The following ERC2 variants were observed in gnomAD, a reference collection of about 807,000 sequenced individuals.
The protein encoded by ERC2 is ELKS/RAB6-interacting/CAST family member 2.
In ERC2, 42 loss-of-function variants were observed where a neutral mutation model predicts 114.8. The ratio of observed to expected loss-of-function variants is 0.37; its 90% CI spans 0.29 to 0.47. ERC2 has a LOEUF of 0.47. Among genes scored for constraint, ERC2 ranks in the 20% least tolerant of loss-of-function variants. The probability of loss-of-function intolerance (pLI) is 0.99; values close to 1 mark genes in which losing one functional copy is unlikely to be tolerated. For missense variants in ERC2, 939 were observed against 1,150.7 expected (o/e 0.82, Z 2.66); for synonymous variants, 454 against 425.5 (o/e 1.07, Z -0.82).
chr3:55,876,258 T>C (rs530387922), intron 14 of ERC2, among the ~76,000 whole-genome samples: 1 of 152,198 alleles, frequency 6.6e-6, no homozygotes, highest in East Asian at 1.9e-4. Flanking sequence ...CACTTGATAA[T>C]ATTTGGACTG....
intron 3 of ERC2, among the ~76,000 whole-genome samples, chr3:56,221,243 G>A (rs2049886807): frequency 6.6e-6 from 1 of 151,838 alleles, no homozygotes. Flanking sequence ...GCTAACATTA[G>A]GTACTGACTA....
chr3:56,450,054 G>T (rs546538591), intron 1 of ERC2, among the ~76,000 whole-genome samples: 1 of 152,332 alleles, frequency 6.6e-6, no homozygotes, highest in Admixed American at 6.5e-5. Flanking sequence ...GTTATTCAAA[G>T]TCCCAGTAAT....
rs1237535645 is a variant in ERC2, at chr3:56,178,463, T to C, written c.1075-4943A>G. On this transcript the variant is annotated intron_variant, in intron 3 of 17. Coordinates refer to ENST00000288221, the MANE Select transcript of ERC2 (RefSeq NM_015576.3). ...GCCTTTTATTACCTAACCTTGAAAG[T>C]CCTATAGCACCACTTCTGTCATGCT... is the stretch of plus-strand genomic sequence containing the variant. Among the ~76,000 whole-genome samples, 4 of 152,082 alleles carry C rather than the reference T, an allele frequency of 2.6e-5. No homozygotes were observed. In the East Asian group the frequency reaches 7.7e-4, roughly 29 times the overall value.
intron 12 of ERC2, among the ~76,000 whole-genome samples, chr3:55,963,943 C>T (rs938646693): frequency 6.6e-6 from 1 of 152,110 alleles, no homozygotes; most frequent in Non-Finnish European, 1.5e-5. Context: ...TATTGCATCC[C>T]ATCTGAAATT....
intron 7 of ERC2, among the ~76,000 whole-genome samples, chr3:56,058,315 T>C (rs1319697201): frequency 6.6e-6 from 1 of 152,176 alleles, no homozygotes; most frequent in Non-Finnish European, 1.5e-5. Context: ...CTTGGGAAAG[T>C]TGAGAGGTTG....
intron 2 of ERC2, among the ~76,000 whole-genome samples, chr3:56,364,350 T>C (rs2059073743): frequency 6.6e-6 from 1 of 152,212 alleles, no homozygotes; most frequent in Non-Finnish European, 1.5e-5. Context: ...GTGAATGTAA[T>C]TAATACCATT....
At chr3:55,809,619 C>A (rs1364104334) in intron 14 of ERC2, among the ~76,000 whole-genome samples, 3 of 152,118 alleles carry the variant, frequency 2.0e-5, no homozygotes, top group Non-Finnish European at 4.4e-5. Context: ...AAAATAATAA[C>A]CCCATTAAAA....
In ERC2 at chr3:55,978,366, T is replaced by A. The variant is rs1280227780; in HGVS notation, c.2267+7611A>T. 2.0e-5 allele frequency among the ~76,000 whole-genome samples: 3 copies of A among 152,242 alleles called. No individual in the cohort carries two copies. In the East Asian group the frequency reaches 5.8e-4, roughly 29 times the overall value. ...ATTTTTCTATGTTCACTTATTCATATCCCTGGGGTCAAGGGAAGCATGCAG... is the reference window on the plus strand; with the variant it reads ...ATTTTTCTATGTTCACTTATTCATAACCCTGGGGTCAAGGGAAGCATGCAG... On this transcript the variant is annotated intron_variant, in intron 12 of 17. Transcript: ENST00000288221.
intron 13 of ERC2, among the ~76,000 whole-genome samples, chr3:55,935,549 T>C (rs2066386378): frequency 3.9e-5 from 6 of 152,190 alleles, no homozygotes; most frequent in Non-Finnish European, 8.8e-5. Context: ...ACATAAGTGC[T>C]ATTGGCCAAG....
At chr3:56,113,369 G>A (rs1446711448) in intron 6 of ERC2, among the ~76,000 whole-genome samples, 1 of 152,088 alleles carries the variant, frequency 6.6e-6, no homozygotes, top group Non-Finnish European at 1.5e-5. Context: ...AAACACTAAG[G>A]AGCATCAGTC....
chr3:56,020,138 C>T (rs1473302879), intron 7 of ERC2, among the ~76,000 whole-genome samples: 3 of 152,120 alleles, frequency 2.0e-5, no homozygotes, highest in South Asian at 2.1e-4. Context: ...GCAGTAGCAG[C>T]GTCAAAAACA....
chr3:55,870,440 T>A (rs1334821676), intron 14 of ERC2, among the ~76,000 whole-genome samples: 4 of 152,204 alleles, frequency 2.6e-5, no homozygotes, highest in African/African-American at 7.2e-5. Flanking sequence ...TTAAGTAGAT[T>A]TATTAAGACT....
At chr3:55,983,790 T>C (rs1231924452) in intron 12 of ERC2, among the ~76,000 whole-genome samples, 2 of 152,196 alleles carry the variant, frequency 1.3e-5, no homozygotes, top group South Asian at 2.1e-4. Flanking sequence ...CACATATATA[T>C]ACATATATGC....
intron 17 of ERC2, among the ~76,000 whole-genome samples, chr3:55,642,875 AT>A (rs550055288): frequency 1.6e-3 from 247 of 152,340 alleles, no homozygotes; most frequent in Non-Finnish European, 2.8e-3. Context: ...TGGAAAAAAA[AT>A]ATTTTTACAC....
chr3:55,792,398 C>T (rs979468984), intron 14 of ERC2, among the ~76,000 whole-genome samples: 6 of 152,224 alleles, frequency 3.9e-5, no homozygotes, highest in South Asian at 2.1e-4. Context: ...CAAAGCTAGG[C>T]ATTTAAAAGC....
At chr3:56,071,120 C>T (rs1270629302) in intron 7 of ERC2, among the ~76,000 whole-genome samples, 2 of 152,166 alleles carry the variant, frequency 1.3e-5, no homozygotes, top group African/African-American at 4.8e-5. Context: ...ATTACAACTT[C>T]TTCAATAATA....
At chr3:56,153,013 G>A (rs2081506505) in intron 4 of ERC2, among the ~76,000 whole-genome samples, 1 of 152,172 alleles carries the variant, frequency 6.6e-6, no homozygotes, top group Non-Finnish European at 1.5e-5. Context: ...TATAGTTATA[G>A]AAATGAGGAT....
chr3:55,601,681 G>A (rs918493483), intron 17 of ERC2, among the ~76,000 whole-genome samples: 4 of 152,172 alleles, frequency 2.6e-5, no homozygotes, highest in Non-Finnish European at 2.9e-5. Context: ...ATAAAGAGCC[G>A]GGGAGCCGGG....
chr3:56,035,455 A>G (rs2074729913), intron 7 of ERC2, among the ~76,000 whole-genome samples: 1 of 152,190 alleles, frequency 6.6e-6, no homozygotes, highest in African/African-American at 2.4e-5. Flanking sequence ...GGAACATGCT[A>G]TGGTCTGAAT....
Sources: gnomAD v4.1 joint callset for allele counts (sites outside exome capture counted in the v4.1 genomes callset) on GRCh38, gnomAD v4.1.1 for gene constraint, MANE v1.5 for transcripts, NCBI Gene and HGNC (gene_info 2026-07-23, HGNC 2026-07-21) for gene names.